ZFAT: variants seen among roughly 807,000 people sequenced by gnomAD.
ZFAT encodes zinc finger protein ZFAT.
A neutral mutation model predicts 117.7 loss-of-function variants in ZFAT; 64 were observed. That is an observed-to-expected ratio of 0.54 (90% CI 0.44 to 0.67). The LOEUF is 0.67. Ranked by LOEUF, ZFAT falls within the 30% of genes least tolerant of loss-of-function variation. The probability of loss-of-function intolerance (pLI) is 0.00; values close to 1 mark genes in which losing one functional copy is unlikely to be tolerated. For synonymous variants in ZFAT, 679 were observed against 615.0 expected (o/e 1.10, Z -1.54); for missense variants, 1,433 against 1,584.5 (o/e 0.90, Z 1.62).
intron 1 of ZFAT, among the ~76,000 whole-genome samples, chr8:134,688,103 A>G (rs994817626): frequency 5.3e-5 from 8 of 151,632 alleles, no homozygotes; most frequent in Admixed American, 3.3e-4. Flanking sequence ...GGTGGGGGGG[A>G]TCTTGTGGTG....
chr8:134,515,168 T>C (rs890432416), intron 13 of ZFAT, among the ~76,000 whole-genome samples: 1 of 152,240 alleles, frequency 6.6e-6, no homozygotes, highest in Non-Finnish European at 1.5e-5. Flanking sequence ...TAGTATTCCA[T>C]GGTGTATGTG....
chr8:134,648,901 C>T (rs1281076438), intron 2 of ZFAT, among the ~76,000 whole-genome samples: 1 of 151,948 alleles, frequency 6.6e-6, no homozygotes, highest in Non-Finnish European at 1.5e-5. Flanking sequence ...CTGAATCCAG[C>T]AGCACAGCAA....
intron 13 of ZFAT, among the ~76,000 whole-genome samples, chr8:134,515,103 T>C (rs900586248): frequency 5.3e-5 from 8 of 152,200 alleles, no homozygotes; most frequent in Non-Finnish European, 1.2e-4. Flanking sequence ...ATGATGGTTT[T>C]CAGCTTCATC....
chr8:134,709,389 C>T (rs1813903558), intron 1 of ZFAT, among the ~76,000 whole-genome samples: 1 of 152,182 alleles, frequency 6.6e-6, no homozygotes, highest in Non-Finnish European at 1.5e-5. Context: ...GACTGGGGTC[C>T]CAAGGGTTCT....
chr8:134,654,307 A>C (rs1010532580), intron 2 of ZFAT, among the ~76,000 whole-genome samples: 2 of 152,218 alleles, frequency 1.3e-5, no homozygotes, highest in African/African-American at 4.8e-5. Flanking sequence ...AGTCAAAAAA[A>C]AAAATTACTC....
At chr8:134,792,613 C>G in the ZFAT span, 1 of 152,250 alleles carries the variant, frequency 6.6e-6, no homozygotes, top group African/African-American at 2.4e-5. Flanking sequence ...AACTGTAACT[C>G]CAAGACATAT....
chr8:134,480,939 A>C (rs1443554739), intron 15 of ZFAT, among the ~76,000 whole-genome samples: 1 of 152,164 alleles, frequency 6.6e-6, no homozygotes, highest in Non-Finnish European at 1.5e-5. Flanking sequence ...AAAATGGAAA[A>C]GGTTCCTCTG....
chr8:134,702,296 T>C (rs546258920), intron 1 of ZFAT, among the ~76,000 whole-genome samples: 1 of 152,378 alleles, frequency 6.6e-6, no homozygotes, highest in African/African-American at 2.4e-5. Context: ...AACATGTGCA[T>C]ACCTGTCTTC....
At position 134,589,863 on chromosome 8, in the gene ZFAT, T is replaced by C. The variant is rs1826332138; in HGVS notation, c.2563+405A>G. Among the ~76,000 whole-genome samples the C allele has an allele frequency of 2.0e-5, 3 of 152,344 alleles. No homozygotes were observed. The South Asian group carries it at 6.2e-4, about 32-fold the overall frequency. On this transcript the variant is annotated intron_variant, in intron 8 of 15. Transcript: ENST00000377838. ...ACCTGAGCAGTGTGGAATATGAGAA[T>C]ACCCGTGGTAATGGTCTCTCCAACT...
intron 15 of ZFAT, among the ~76,000 whole-genome samples, chr8:134,501,331 C>A (rs932549482): frequency 6.6e-6 from 1 of 152,112 alleles, no homozygotes; most frequent in African/African-American, 2.4e-5. Flanking sequence ...GCCTTTGAAT[C>A]CATCGTGACT....
intron 1 of ZFAT, among the ~76,000 whole-genome samples, chr8:134,676,726 C>T (rs201922153): frequency 4.7e-4 from 71 of 152,274 alleles, no homozygotes; most frequent in African/African-American, 8.4e-4. Flanking sequence ...TGCAAAAGAA[C>T]GGAAATCATA....
intron 11 of ZFAT, among the ~76,000 whole-genome samples, chr8:134,535,085 G>A (rs79522630): frequency 0.012 from 1,752 of 152,276 alleles, 35 homozygotes; most frequent in African/African-American, 0.04. Context: ...ACCAGGTTCT[G>A]CCAGGGCTCA....
intron 2 of ZFAT, among the ~76,000 whole-genome samples, 176 bp from the exon 3 acceptor site, chr8:134,637,888 G>A (rs368831142): frequency 6.6e-6 from 1 of 152,332 alleles, no homozygotes; most frequent in South Asian, 2.1e-4. Flanking sequence ...TAATATCATT[G>A]CATCTGTGTA....
chr8:134,500,861 C>T (rs887050975), intron 15 of ZFAT, among the ~76,000 whole-genome samples: 3 of 152,182 alleles, frequency 2.0e-5, no homozygotes, highest in Non-Finnish European at 4.4e-5. Context: ...ACAGAAAGAA[C>T]ATTATATAAG....
chr8:134,744,814 C>T, the ZFAT span, among the ~76,000 whole-genome samples: 11 of 138,588 alleles, frequency 7.9e-5, no homozygotes, highest in Admixed American at 7.9e-4. Flanking sequence ...ACTGCAACTT[C>T]CACCTCCTGG....
chr8:134,757,009 CTTTTT>C, the ZFAT span, among the ~76,000 whole-genome samples: 2 of 81,212 alleles, frequency 2.5e-5, no homozygotes, highest in Non-Finnish European at 2.2e-5. Context: ...ACCTTCTTTC[CTTTTT>C]TTTTTTTTTT....
chr8:134,554,545 C>G (rs1372660), intron 11 of ZFAT, among the ~76,000 whole-genome samples: 53,370 of 151,778 alleles, frequency 0.35, 9,657 homozygotes, highest in East Asian at 0.67. Flanking sequence ...CTGAAGCTGG[C>G]GCCAGAGATG....
chr8:134,705,096 T>TAC (rs373352939), intron 1 of ZFAT, among the ~76,000 whole-genome samples: 28 of 151,916 alleles, frequency 1.8e-4, no homozygotes, highest in African/African-American at 3.4e-4. Context: ...ATTCACAACA[T>TAC]ACACACACAC....
chr8:134,604,427 T>C (rs1308320963), intron 5 of ZFAT, among the ~76,000 whole-genome samples: 10 of 152,182 alleles, frequency 6.6e-5, no homozygotes, highest in Admixed American at 5.2e-4. Flanking sequence ...TCCATTGCTG[T>C]TGGAATGGCC....
Sources: allele counts gnomAD v4.1 joint callset (sites outside exome capture counted in the v4.1 genomes callset), GRCh38; gene constraint gnomAD v4.1.1; transcripts MANE v1.5; gene names NCBI Gene and HGNC (gene_info 2026-07-23, HGNC 2026-07-21).